SRCAP: variants seen among roughly 807,000 people sequenced by gnomAD.
The protein encoded by SRCAP is chromatin remodeling protein SRCAP.
SRCAP carries 46 observed loss-of-function variants against 263.1 expected under a neutral mutation model. The observed-to-expected ratio is 0.17, with a 90% CI of 0.14 to 0.22. SRCAP has a LOEUF of 0.22. Among genes scored for constraint, SRCAP ranks in the 10% least tolerant of loss-of-function variants. The pLI, the probability that SRCAP is intolerant of heterozygous loss-of-function variation, is 1.00. For synonymous variants in SRCAP, 1,813 were observed against 1,662.1 expected (o/e 1.09, Z -2.21); for missense variants, 3,695 against 4,181.9 (o/e 0.88, Z 3.21).
chr16:30,705,793 G>A (rs991622191), intron 4 of SRCAP, among the ~76,000 whole-genome samples: 3 of 151,358 alleles, frequency 2.0e-5, no homozygotes, highest in Middle Eastern at 3.4e-3. Flanking sequence ...TGCAAGCTCC[G>A]CCTCCTGGGT....
chr16:30,722,519 C>T, intron 22 of SRCAP, 44 bp from the exon 23 acceptor site: 1 of 1,605,944 alleles, frequency 6.2e-7, no homozygotes, highest in Non-Finnish European at 8.5e-7. Context: ...CCTCCTCAGG[C>T]TGATAGCTGC....
At position 30,737,521 on chromosome 16, in the gene SRCAP, G is replaced by C. The variant is rs200066296; in HGVS notation, c.7481G>C (p.Cys2494Ser). The change falls in exon 34 of 34, where the codon TGT becomes TCT. Residue 2494 changes from cysteine to serine, a missense_variant. This residue lies in a region of SRCAP where 1,207 missense variants were observed against 1,142.9 expected (regional missense o/e 1.06). Coordinates refer to ENST00000262518, the MANE Select transcript of SRCAP (RefSeq NM_006662.3). ...CCCCCTCCTTCACAGATTCCTCCTTGTTCTTCTCCTGCCTGCACCCCTCCT... is the reference window on the plus strand; with the variant it reads ...CCCCCTCCTTCACAGATTCCTCCTTCTTCTTCTCCTGCCTGCACCCCTCCT... ...SPPPPSQIPP[C>S]SSPACTPPPA... 118 of 1,604,784 alleles carry C rather than the reference G, an allele frequency of 7.4e-5. 1 individual carries two copies. The highest frequency in any genetic ancestry group is 2.7e-5 in the African/African-American group (2 of 74,728).
intron 14 of SRCAP, 58 bp from the exon 15 acceptor site, chr16:30,713,150 C>A: frequency 6.4e-7 from 1 of 1,559,292 alleles, no homozygotes; most frequent in South Asian, 1.1e-5. Context: ...AGCATGTCTT[C>A]CCTTTGCTCT....
chr16:30,700,924 T>C, intron 3 of SRCAP, 46 bp downstream of exon 3: 2 of 1,596,440 alleles, frequency 1.3e-6, no homozygotes, highest in Non-Finnish European at 1.7e-6. Flanking sequence ...CTTTGTGGAT[T>C]GTTGAGTGTG....
At position 30,734,303 on chromosome 16, in the gene SRCAP, A is replaced by G. The variant is rs929660706; in HGVS notation, c.6610-193A>G. On this transcript the variant is annotated intron_variant, in intron 30 of 33. Coordinates refer to ENST00000262518, the MANE Select transcript of SRCAP (RefSeq NM_006662.3). ...GGTTGCAGTGAGTTGAGATGGCGCC[A>G]TTGCACTTTAGCCTGGGTGACGAGC... is the stretch of plus-strand genomic sequence containing the variant. 5 of 771,734 alleles carry G rather than the reference A, an allele frequency of 6.5e-6. No homozygotes were observed. The African/African-American group carries it at 7.0e-5, about 11-fold the overall frequency. 47.8% of individuals were successfully genotyped at this position (771,734 alleles called of 1,614,324 possible).
intron 14 of SRCAP, 44 bp from the exon 15 acceptor site, chr16:30,713,164 C>G: frequency 6.3e-7 from 1 of 1,590,950 alleles, no homozygotes; most frequent in Non-Finnish European, 8.6e-7. Flanking sequence ...TTGCTCTCTT[C>G]TTTTCATCCC....
Position 30,707,592 on chromosome 16 carries a change from GCA to G in SRCAP, c.515_516del (p.His172ProfsTer50). The G allele has an allele frequency of 6.2e-7, 1 of 1,613,490 alleles. No homozygotes were observed. The highest frequency in any genetic ancestry group is 8.5e-7 in the Non-Finnish European group (1 of 1,179,742). Reference protein sequence around the residue: ...ARKVVRMVIRHHEEQRQKEER... With the variant: ...ARKVVRMVIRXHEEQRQKEER... ...CACAGGTGGTGCGCATGGTGATCCG[GCA>G]CCACGAGGAGCAGCGGCAGAAAGAG... On this transcript the variant is annotated frameshift_variant, in exon 6 of 34. Transcript: ENST00000262518. LOFTEE classifies it high-confidence loss of function.
Position 30,704,054 on chromosome 16 carries a change from T to A in SRCAP, c.55-10T>A. The A allele has an allele frequency of 6.2e-7, 1 of 1,602,756 alleles. No homozygotes were observed. The highest frequency in any genetic ancestry group is 8.5e-7 in the Non-Finnish European group (1 of 1,172,618). ...GCATTTATTTTCTCCATCATTTTCCTCTTTTCTAGATGGTGTCGGACGGCA... is the reference window on the plus strand; with the variant it reads ...GCATTTATTTTCTCCATCATTTTCCACTTTTCTAGATGGTGTCGGACGGCA... On this transcript the variant is annotated splice_polypyrimidine_tract_variant and intron_variant, in intron 3 of 33. Coordinates refer to ENST00000262518, the MANE Select transcript of SRCAP (RefSeq NM_006662.3).
chr16:30,729,531 G>A lies in SRCAP; in HGVS notation c.6086G>A (p.Arg2029His), dbSNP rs931536205. 8.1e-6 allele frequency: 13 copies of A among 1,614,116 alleles called. No homozygotes were observed. The highest frequency in any genetic ancestry group is 1.1e-5 in the Non-Finnish European group (13 of 1,180,028). ...TTGCACCGTATTGTGTGTAACATGC[G>A]CACCCAGTTCCCTGACTTAAGACTC... is the stretch of plus-strand genomic sequence containing the variant. ...RPLHRIVCNM[R>H]TQFPDLRLIQ... The change falls in exon 27 of 34, where the codon CGC (arginine) becomes CAC (histidine). Residue 2029 changes from arginine (R) to histidine (H), a missense_variant. This residue lies in a region of SRCAP where 138 missense variants were observed against 254.9 expected (regional missense o/e 0.54). Coordinates refer to ENST00000262518, the MANE Select transcript of SRCAP (RefSeq NM_006662.3).
rs751833962 is a variant in SRCAP at position 30,700,173 on chromosome 16, A to C, written c.-210+192A>C. Among the ~76,000 whole-genome samples the C allele has an allele frequency of 9.9e-5, 15 of 152,236 alleles. 1 individual carries two copies. Among genetic ancestry groups the C allele is most frequent in the East Asian group, 9.6e-4 (5 of 5,206 alleles). ...CTGTGGGTTGAGGAAAACGTGGTCA[A>C]CCTGGCTCTACCAGGAAGAGTAGCA... is the stretch of plus-strand genomic sequence containing the variant. On this transcript the variant is annotated intron_variant, in intron 2 of 33. Transcript: ENST00000262518.
chr16:30,718,415 G>C (rs954584653), intron 18 of SRCAP, among the ~76,000 whole-genome samples: 2 of 151,690 alleles, frequency 1.3e-5, no homozygotes, highest in East Asian at 3.9e-4. Context: ...GACCTCAGGT[G>C]ATCTGTCCAC....
At chr16:30,700,054 C>G (rs144829486) in intron 2 of SRCAP, 73 bp downstream of exon 2, 1 of 152,104 alleles carries the variant, frequency 6.6e-6, no homozygotes, top group South Asian at 2.1e-4. Flanking sequence ...ATTATAGGTC[C>G]GTATTGGGGA....
rs34824568 is a variant in SRCAP, at chr16:30,713,900, G to GT, written c.2493+204dup. Among the ~76,000 whole-genome samples, 77,534 of 138,918 alleles carry GT rather than the reference G, an allele frequency of 0.56. 26,439 individuals carry two copies. The highest frequency in any genetic ancestry group is 0.88 in the East Asian group (4,197 of 4,748). 91.1% of individuals were successfully genotyped at this position (138,918 alleles called of 152,430 possible). The stretch of plus-strand genomic sequence containing the variant: ...TGACCTCATCTTAGTCATCAATTCT[G>GT]TTTTTTTTTTTTTTTGAGACTGAGT... On this transcript the variant is annotated intron_variant, in intron 16 of 33. Coordinates refer to ENST00000262518, the MANE Select transcript of SRCAP (RefSeq NM_006662.3).
chr16:30,739,567 C>G lies in SRCAP; in HGVS notation c.9527C>G (p.Ala3176Gly), dbSNP rs181312756. Residue 3176 changes from alanine to glycine, a missense_variant, in exon 34 of 34, where the codon GCC becomes GGC. Coordinates refer to ENST00000262518, the MANE Select transcript of SRCAP (RefSeq NM_006662.3). ...EGSVEESEAE[A>G]SGEEEEGDGT... ...TCAGTAGAGGAGTCTGAGGCTGAAG[C>G]CTCAGGTGAGGAGGAGGAAGGGGAT... The G allele has an allele frequency of 6.2e-7, 1 of 1,607,550 alleles. No individual in the cohort carries two copies. Among genetic ancestry groups the G allele is most frequent in the East Asian group, 2.2e-5 (1 of 44,550 alleles).
chr16:30,716,190 T>C lies in SRCAP; in HGVS notation c.2618T>C (p.Met873Thr). 2 of 1,614,226 alleles carry C rather than the reference T, an allele frequency of 1.2e-6. No individual in the cohort carries two copies. Among genetic ancestry groups the C allele is most frequent in the Non-Finnish European group, 1.7e-6 (2 of 1,180,032 alleles). ...CAACGCTGTCTCTATGATGACTTCA[T>C]GGCACAGACCACGTAAGGGAGGAAG... Reference protein sequence around the residue: ...KRQRCLYDDFMAQTTTKETLA... With the variant: ...KRQRCLYDDFTAQTTTKETLA... The change falls in exon 17 of 34, where the codon ATG (methionine) becomes ACG (threonine). Residue 873 changes from methionine (M) to threonine (T), a missense_variant. Transcript: ENST00000262518.
chr16:30,729,650 T>C, intron 27 of SRCAP, 78 bp downstream of exon 27: 1 of 1,532,944 alleles, frequency 6.5e-7, no homozygotes, highest in Non-Finnish European at 9.0e-7. Flanking sequence ...AGAGGGATGC[T>C]GCACTTAAGT....
chr16:30,736,057 C>T, intron 31 of SRCAP, 143 bp from the exon 32 acceptor site: 1 of 860,894 alleles, frequency 1.2e-6, no homozygotes, highest in East Asian at 2.7e-5. Flanking sequence ...GTTGTGGTAA[C>T]TCTGGAGGCC....
In SRCAP at chr16:30,729,564, A is replaced by C. The variant is rs748016155; in HGVS notation, c.6119A>C (p.Tyr2040Ser). The stretch of plus-strand genomic sequence containing the variant: ...TTCCCTGACTTAAGACTCATCCAGT[A>C]TGATTGCGGTGAGTTTGTTGGCCAG... Reference protein sequence around the residue: ...TQFPDLRLIQYDCGKLQTLAV... With the variant: ...TQFPDLRLIQSDCGKLQTLAV... The change falls in exon 27 of 34, where the codon TAT (tyrosine) becomes TCT (serine). Residue 2040 changes from tyrosine to serine, a missense_variant. Coordinates refer to ENST00000262518, the MANE Select transcript of SRCAP (RefSeq NM_006662.3). The C allele has an allele frequency of 6.2e-7, 1 of 1,614,166 alleles. No homozygotes were observed. The highest frequency in any genetic ancestry group is 1.1e-5 in the South Asian group (1 of 91,092).
In SRCAP at chr16:30,736,376, T is replaced by C. The variant is rs748901654; in HGVS notation, c.6906T>C (p.Ile2302=). ...AGATGTCCCGGGCTGAGCAGGAAATTGCTGCCCTCGTAGAACAGGTCAGTG... is the reference window on the plus strand; with the variant it reads ...AGATGTCCCGGGCTGAGCAGGAAATCGCTGCCCTCGTAGAACAGGTCAGTG... ...DEEMSRAEQE[I]AALVEQLTPI... is the part of the protein sequence containing the mutation. Residue 2302 remains isoleucine, a synonymous_variant, in exon 32 of 34, where the codon ATT becomes ATC. Coordinates refer to ENST00000262518, the MANE Select transcript of SRCAP (RefSeq NM_006662.3). 77 of 1,612,806 alleles carry C rather than the reference T, an allele frequency of 4.8e-5. No homozygotes were observed. The highest frequency in any genetic ancestry group is 6.4e-5 in the Non-Finnish European group (75 of 1,179,266).
Sources: gnomAD v4.1 joint callset for allele counts (sites outside exome capture counted in the v4.1 genomes callset) on GRCh38, gnomAD v4.1.1 for gene constraint, gnomAD v4.1.1 regional missense constraint, MANE v1.5 for transcripts, NCBI Gene and HGNC (gene_info 2026-07-23, HGNC 2026-07-21) for gene names.